PTTG1IP2: variants seen among roughly 807,000 people sequenced by gnomAD.
PTTG1IP2 encodes PTTG1IP family member 2.
At chr7:90,512,966 C>T (rs983798497) in intron 6 of PTTG1IP2, among the ~76,000 whole-genome samples, 6 of 152,134 alleles carry the variant, frequency 3.9e-5, no homozygotes, top group Non-Finnish European at 7.4e-5. Flanking sequence ...AACCTTAGTG[C>T]AGGGTGAGTC....
intron 1 of PTTG1IP2, among the ~76,000 whole-genome samples, chr7:90,473,741 A>G (rs1213740637): frequency 6.6e-6 from 1 of 152,152 alleles, no homozygotes; most frequent in Non-Finnish European, 1.5e-5. Context: ...CGCCTCTCTG[A>G]CAGTACTTGT....
At chr7:90,509,713 G>A (rs28371103) in intron 6 of PTTG1IP2, among the ~76,000 whole-genome samples, 2,953 of 152,218 alleles carry the variant, frequency 0.019, 93 homozygotes, top group African/African-American at 0.065. Flanking sequence ...TTAATATAAA[G>A]TGTGGATAGA....
intron 1 of PTTG1IP2, among the ~76,000 whole-genome samples, chr7:90,472,311 CACACACACA>C (rs1562982553): frequency 5.6e-4 from 58 of 103,398 alleles, no homozygotes; most frequent in East Asian, 1.8e-3. Context: ...CACACACACA[CACACACACA>C]CCCCAAATAA....
chr7:90,487,103 AG>A (rs943193890), intron 2 of PTTG1IP2, among the ~76,000 whole-genome samples: 19 of 152,236 alleles, frequency 1.2e-4, no homozygotes, highest in African/African-American at 4.6e-4. Context: ...GTCCAAGAAG[AG>A]GGGAAGCTGT....
intron 6 of PTTG1IP2, among the ~76,000 whole-genome samples, chr7:90,510,114 C>A (rs1034370147): frequency 2.0e-5 from 3 of 152,140 alleles, no homozygotes; most frequent in Non-Finnish European, 4.4e-5. Flanking sequence ...AATGTCCAGG[C>A]TCAGTGGGAA....
At chr7:90,494,974 C>T (rs1797976493) in intron 6 of PTTG1IP2, among the ~76,000 whole-genome samples, 1 of 152,124 alleles carries the variant, frequency 6.6e-6, no homozygotes, top group South Asian at 2.1e-4. Flanking sequence ...TGCGCTACTG[C>T]ATTTCAGCCT....
At chr7:90,477,868 C>T (rs867721206) in intron 1 of PTTG1IP2, among the ~76,000 whole-genome samples, 1 of 151,964 alleles carries the variant, frequency 6.6e-6, no homozygotes, top group African/African-American at 2.4e-5. Context: ...GAGGCTGAGG[C>T]GGGCGGATCA....
chr7:90,473,648 G>A (rs1003138133), intron 1 of PTTG1IP2, among the ~76,000 whole-genome samples: 2 of 152,170 alleles, frequency 1.3e-5, no homozygotes, highest in Non-Finnish European at 2.9e-5. Context: ...ATATTGAGAG[G>A]CCTAGATCAG....
intron 1 of PTTG1IP2, among the ~76,000 whole-genome samples, chr7:90,473,639 T>C (rs1011498061): frequency 1.3e-5 from 2 of 152,230 alleles, no homozygotes; most frequent in African/African-American, 2.4e-5. Flanking sequence ...TGAATTCTGA[T>C]ATTGAGAGGC....
chr7:90,488,061 A>G (rs1040045677), intron 3 of PTTG1IP2, among the ~76,000 whole-genome samples: 3 of 152,138 alleles, frequency 2.0e-5, no homozygotes, highest in African/African-American at 4.8e-5. Flanking sequence ...GTTATACAAT[A>G]CTTACCAAGG....
At position 90,479,214 on chromosome 7, in the gene PTTG1IP2, T is replaced by G. The variant is rs951001790; in HGVS notation, c.146-14T>G. On this transcript the variant is annotated splice_polypyrimidine_tract_variant and intron_variant, in intron 1 of 6. Coordinates refer to ENST00000509356, the MANE Select transcript of PTTG1IP2 (RefSeq NM_001365443.2). Reference sequence around the variant, plus strand: ...ATTTGGATTAATTTTGGACTTAATTTTTTTTAATTGTAGAATGTGCTGTAA... The same window carrying G: ...ATTTGGATTAATTTTGGACTTAATTGTTTTTAATTGTAGAATGTGCTGTAA... The G allele has an allele frequency of 7.9e-5, 12 of 152,744 alleles. No individual in the cohort carries two copies. The highest frequency in any genetic ancestry group is 2.9e-4 in the African/African-American group (12 of 41,574). 9.5% of individuals were successfully genotyped at this position (152,744 alleles called of 1,614,324 possible).
intron 1 of PTTG1IP2, among the ~76,000 whole-genome samples, chr7:90,471,799 G>C (rs1797690422): frequency 1.3e-5 from 2 of 152,182 alleles, no homozygotes; most frequent in Non-Finnish European, 2.9e-5. Context: ...CTACTGCAGA[G>C]AAATAGGTGG....
chr7:90,495,707 A>G (rs547791024), intron 6 of PTTG1IP2, among the ~76,000 whole-genome samples: 2 of 152,320 alleles, frequency 1.3e-5, no homozygotes, highest in South Asian at 4.1e-4. Context: ...AATATGTATC[A>G]GTTTTAAAGT....
chr7:90,497,311 T>C (rs528189802), intron 6 of PTTG1IP2, among the ~76,000 whole-genome samples: 22 of 152,142 alleles, frequency 1.4e-4, no homozygotes, highest in Non-Finnish European at 2.9e-4. Flanking sequence ...ATGCCTGTAA[T>C]CCCAACACTT....
intron 4 of PTTG1IP2, among the ~76,000 whole-genome samples, chr7:90,491,803 G>A (rs1797941552): frequency 6.6e-6 from 1 of 152,036 alleles, no homozygotes; most frequent in African/African-American, 2.4e-5. Context: ...TCCTGGTGGA[G>A]GGATAAAAGA....
At chr7:90,476,887 C>T (rs1472369921) in intron 1 of PTTG1IP2, among the ~76,000 whole-genome samples, 8 of 151,894 alleles carry the variant, frequency 5.3e-5, no homozygotes, top group East Asian at 1.9e-4. Flanking sequence ...TTTTCCCTTG[C>T]GGATAAACTA....
At chr7:90,499,081 G>A (rs17867682) in intron 6 of PTTG1IP2, among the ~76,000 whole-genome samples, 17,673 of 152,056 alleles carry the variant, frequency 0.12, 1,252 homozygotes, top group Middle Eastern at 0.21. Flanking sequence ...CGAACCCCTG[G>A]GCTCAAGCAA....
chr7:90,481,967 A>T (rs1797819768), intron 2 of PTTG1IP2, among the ~76,000 whole-genome samples: 1 of 152,232 alleles, frequency 6.6e-6, no homozygotes, highest in Non-Finnish European at 1.5e-5. Context: ...AATATCATTT[A>T]TAATGGAAAT....
At chr7:90,506,605 A>C (rs1011339911) in intron 6 of PTTG1IP2, among the ~76,000 whole-genome samples, 10 of 152,118 alleles carry the variant, frequency 6.6e-5, no homozygotes, top group African/African-American at 2.4e-4. Context: ...TCTACTAAAA[A>C]AAATTTTTTT....
Sources: allele counts gnomAD v4.1 joint callset (sites outside exome capture counted in the v4.1 genomes callset), GRCh38; gene constraint gnomAD v4.1.1; transcripts MANE v1.5; gene names NCBI Gene and HGNC (gene_info 2026-07-23, HGNC 2026-07-21).